The following TMEM232 variants were observed in gnomAD, a reference collection of about 807,000 sequenced individuals.
TMEM232 encodes transmembrane protein 232.
Under a neutral mutation model 78.8 loss-of-function variants are expected in TMEM232, and 80 were observed. The ratio of observed to expected loss-of-function variants is 1.01; its 90% CI spans 0.85 to 1.22. The LOEUF (loss-of-function observed/expected upper bound fraction) is 1.22. Among genes scored for constraint, TMEM232 ranks in the 50% most tolerant of loss-of-function variants. TMEM232 has a pLI of 0.00. For synonymous variants in TMEM232, 297 were observed against 254.3 expected, an observed-to-expected ratio of 1.17 and a Z score of -1.60; for missense variants, 881 against 742.2, an observed-to-expected ratio of 1.19 and a Z score of -2.17.
chr5:110,703,240 G>A (rs187486919), intron 1 of TMEM232, among the ~76,000 whole-genome samples: 1 of 152,098 alleles, frequency 6.6e-6, no homozygotes, highest in African/African-American at 2.4e-5. Context: ...CTAATCAAGG[G>A]GGAGTGCTAC....
At chr5:110,610,970 T>C (rs1039395964) in intron 8 of TMEM232, among the ~76,000 whole-genome samples, 1 of 152,096 alleles carries the variant, frequency 6.6e-6, no homozygotes, top group Non-Finnish European at 1.5e-5. Context: ...ATTAATAGTA[T>C]TGAACAGTTT....
intron 12 of TMEM232, among the ~76,000 whole-genome samples, chr5:110,462,289 T>TTGAG (rs1291986852): frequency 6.6e-6 from 1 of 152,194 alleles, no homozygotes; most frequent in East Asian, 1.9e-4. Flanking sequence ...ATGGTTAATA[T>TTGAG]TGAGTGTCAA....
chr5:110,405,239 A>G (rs1755742290), intron 2 of TMEM232, among the ~76,000 whole-genome samples: 1 of 152,144 alleles, frequency 6.6e-6, no homozygotes, highest in Admixed American at 6.6e-5. Flanking sequence ...CACAGGCTCA[A>G]TTTGATTATA....
chr5:110,648,905 T>C (rs921999750), intron 2 of TMEM232, among the ~76,000 whole-genome samples: 1 of 151,982 alleles, frequency 6.6e-6, no homozygotes. Flanking sequence ...TCATTTGGAG[T>C]AGCTACAGAA....
At chr5:110,641,332 G>C (rs1425093427) in intron 3 of TMEM232, among the ~76,000 whole-genome samples, 1 of 152,060 alleles carries the variant, frequency 6.6e-6, no homozygotes, top group Non-Finnish European at 1.5e-5. Flanking sequence ...AAACATTGAA[G>C]AAATGTGATA....
At chr5:110,660,355 G>T (rs2150099940) in intron 2 of TMEM232, among the ~76,000 whole-genome samples, 1 of 152,006 alleles carries the variant, frequency 6.6e-6, no homozygotes, top group Non-Finnish European at 1.5e-5. Context: ...CATTTTTCTA[G>T]AATAAGAATA....
At chr5:110,721,281 T>C (rs1373691187) in intron 1 of TMEM232, among the ~76,000 whole-genome samples, 1 of 152,106 alleles carries the variant, frequency 6.6e-6, no homozygotes, top group Non-Finnish European at 1.5e-5. Context: ...CAATAAAATG[T>C]AGCCCTGGCA....
At chr5:110,472,998 A>G (rs557443139) in intron 12 of TMEM232, among the ~76,000 whole-genome samples, 91 of 151,918 alleles carry the variant, frequency 6.0e-4, no homozygotes, top group African/African-American at 2.2e-3. Context: ...TAAATGCTAT[A>G]TAATATTGGT....
intron 10 of TMEM232, among the ~76,000 whole-genome samples, chr5:110,584,944 C>G (rs1429117733): frequency 6.6e-6 from 1 of 152,096 alleles, no homozygotes; most frequent in South Asian, 2.1e-4. Flanking sequence ...TTGGAATGTA[C>G]TTTAGCACCA....
In TMEM232 at chr5:110,606,261, A is replaced by C. The variant is rs910173919; in HGVS notation, c.929T>G (p.Val310Gly). 1 of 1,543,826 alleles carries C rather than the reference A, an allele frequency of 6.5e-7. No homozygotes were observed. The highest frequency in any genetic ancestry group is 1.4e-5 in the African/African-American group (1 of 72,960). Reference sequence around the variant, plus strand: ...GTTTAATTTGGCAGCCTCCCCAAGGACCAGTAAAGCCAGTACTGAATCCAA... The same window carrying C: ...GTTTAATTTGGCAGCCTCCCCAAGGCCCAGTAAAGCCAGTACTGAATCCAA... The part of the protein sequence containing the change: ...CWLDSVLALL[V>G]LGEAAKLNMA... The change falls in exon 9 of 14, where the codon GTC (valine) becomes GGC (glycine). Residue 310 changes from valine to glycine, a missense_variant. Coordinates refer to ENST00000455884, the MANE Select transcript of TMEM232 (RefSeq NM_001039763.4).
At chr5:110,445,776 G>A (rs531970885) in intron 12 of TMEM232, among the ~76,000 whole-genome samples, 60 of 152,178 alleles carry the variant, frequency 3.9e-4, no homozygotes, top group African/African-American at 1.4e-3. Context: ...GCTGGCTGGC[G>A]ATCAAAGACA....
At chr5:110,610,136 T>C (rs1191477252) in intron 8 of TMEM232, among the ~76,000 whole-genome samples, 1 of 151,064 alleles carries the variant, frequency 6.6e-6, no homozygotes, top group Non-Finnish European at 1.5e-5. Flanking sequence ...AGAAAAGTCT[T>C]TCATAATTTA....
intron 10 of TMEM232, among the ~76,000 whole-genome samples, chr5:110,587,661 ATG>A: frequency 1.0e-5 from 1 of 99,310 alleles, no homozygotes; most frequent in Non-Finnish European, 1.8e-5. Flanking sequence ...GGGTACATGT[ATG>A]TATATATATA....
intron 1 of TMEM232, among the ~76,000 whole-genome samples, chr5:110,704,183 T>C (rs950901240): frequency 6.6e-6 from 1 of 152,124 alleles, no homozygotes; most frequent in African/African-American, 2.4e-5. Flanking sequence ...CATAGGACTA[T>C]GTTTATTGGA....
At chr5:110,688,163 T>C (rs568111711) in intron 1 of TMEM232, among the ~76,000 whole-genome samples, 1 of 151,972 alleles carries the variant, frequency 6.6e-6, no homozygotes, top group Non-Finnish European at 1.5e-5. Flanking sequence ...TATTAATTTA[T>C]CCACAAATGA....
At chr5:110,730,140 A>G (rs770251452), upstream of TMEM232, among the ~76,000 whole-genome samples, 13 of 152,122 alleles carry the variant, frequency 8.5e-5, no homozygotes, top group Middle Eastern at 6.8e-3. Context: ...CATATTTCTC[A>G]AACCTTAAGC....
chr5:110,601,815 C>T (rs1561364307), intron 10 of TMEM232, among the ~76,000 whole-genome samples: 1 of 151,952 alleles, frequency 6.6e-6, no homozygotes, highest in Non-Finnish European at 1.5e-5. Flanking sequence ...CATATGGAAC[C>T]AAAAAAGAGT....
At chr5:110,484,430 C>G (rs563564950) in intron 12 of TMEM232, among the ~76,000 whole-genome samples, 1 of 151,886 alleles carries the variant, frequency 6.6e-6, no homozygotes. Flanking sequence ...AAAAGACATA[C>G]AACATATAGA....
chr5:110,414,018 G>A, intron 2 of TMEM232, among the ~76,000 whole-genome samples: 1 of 152,140 alleles, frequency 6.6e-6, no homozygotes, highest in South Asian at 2.1e-4. Flanking sequence ...TCTCAAAGGA[G>A]GGAGAAGCAG....
Sources: allele counts gnomAD v4.1 joint callset (sites outside exome capture counted in the v4.1 genomes callset), GRCh38; gene constraint gnomAD v4.1.1; transcripts MANE v1.5; gene names NCBI Gene and HGNC (gene_info 2026-07-23, HGNC 2026-07-21).